The following ITGA8 variants were observed in gnomAD, a reference collection of about 807,000 sequenced individuals.
The protein encoded by ITGA8 is integrin subunit alpha 8.
Under a neutral mutation model 142.3 loss-of-function variants are expected in ITGA8, and 91 were observed. The observed-to-expected ratio is 0.64, with a 90% CI of 0.54 to 0.76. ITGA8 has a LOEUF of 0.76. Among genes scored for constraint, ITGA8 ranks in the 30% least tolerant of loss-of-function variants. The probability of loss-of-function intolerance (pLI) is 0.00; values close to 1 mark genes in which losing one functional copy is unlikely to be tolerated. For missense variants in ITGA8, 1,406 were observed against 1,327.7 expected (o/e 1.06, Z -0.92); for synonymous variants, 505 against 485.2 (o/e 1.04, Z -0.54).
At chr10:15,696,940 TAG>T (rs1835063917) in intron 2 of ITGA8, among the ~76,000 whole-genome samples, 1 of 148,656 alleles carries the variant, frequency 6.7e-6, no homozygotes, top group Admixed American at 6.8e-5. Flanking sequence ...GCCTGAGAGG[TAG>T]AGTCTGAAGT....
At position 15,608,000 on chromosome 10, in the gene ITGA8, C is replaced by A. The variant is rs2298032; in HGVS notation, c.1610-169G>T. ...ATTGTATAACATACTCTCCAAGCTA[C>A]AAATGTTTTATAATGGTTTTATAAA... is the stretch of plus-strand genomic sequence containing the variant. On this transcript the variant is annotated intron_variant, in intron 16 of 29. Coordinates refer to ENST00000378076, the MANE Select transcript of ITGA8 (RefSeq NM_003638.3). Among the ~76,000 whole-genome samples the A allele has an allele frequency of 0.75, 114,674 of 152,054 alleles. 43,536 individuals are homozygous for A. The highest frequency in any genetic ancestry group is 0.88 in the South Asian group (4,232 of 4,812).
intron 21 of ITGA8, 144 bp downstream of exon 21, chr10:15,597,063 A>C (rs1833022346): frequency 4.5e-6 from 3 of 666,260 alleles, no homozygotes; most frequent in Non-Finnish European, 8.2e-6. Context: ...ATAATGTGAA[A>C]TCCCACTACT....
At chr10:15,538,511 C>CG (rs1336132351) in intron 27 of ITGA8, among the ~76,000 whole-genome samples, 1 of 33,540 alleles carries the variant, frequency 3.0e-5, no homozygotes, top group Non-Finnish European at 6.8e-5. Flanking sequence ...GACTCCGTCT[C>CG]GAAAAAAAAA....
rs961132067 is a variant in ITGA8 at position 15,519,368 on chromosome 10, T to G, written c.3027A>C (p.Ser1009=). ...VIWATPNVSF[S]IPLWVIILAI... ...CTAGTATTATTACCCATAATGGGAT[T>G]GAGAAGGAAACATTCGGAGTTGCCC... Residue 1009 remains serine (S), a synonymous_variant, in exon 29 of 30, where the codon TCA becomes TCC. Coordinates refer to ENST00000378076, the MANE Select transcript of ITGA8 (RefSeq NM_003638.3). The G allele has an allele frequency of 6.2e-7, 1 of 1,613,722 alleles. No homozygotes were observed. The highest frequency in any genetic ancestry group is 8.5e-7 in the Non-Finnish European group (1 of 1,179,718).
chr10:15,534,835 G>A (rs994678901), intron 27 of ITGA8, among the ~76,000 whole-genome samples: 1 of 152,192 alleles, frequency 6.6e-6, no homozygotes, highest in Non-Finnish European at 1.5e-5. Flanking sequence ...GCTCGCTCTC[G>A]GCGCCTCCTC....
intron 3 of ITGA8, among the ~76,000 whole-genome samples, chr10:15,687,614 A>AT (rs1475287453): frequency 6.6e-6 from 1 of 152,208 alleles, no homozygotes; most frequent in African/African-American, 2.4e-5. Context: ...TTCTGGTCAG[A>AT]TTTTAAGTAG....
chr10:15,640,301 T>C (rs768464393), intron 13 of ITGA8, among the ~76,000 whole-genome samples: 1 of 152,164 alleles, frequency 6.6e-6, no homozygotes, highest in African/African-American at 2.4e-5. Context: ...CACTCCCAGA[T>C]TCCGTAGCTC....
At chr10:15,626,698 G>T (rs1833588963) in intron 13 of ITGA8, among the ~76,000 whole-genome samples, 1 of 152,142 alleles carries the variant, frequency 6.6e-6, no homozygotes, top group Non-Finnish European at 1.5e-5. Flanking sequence ...ATCTGGGTGG[G>T]CCCTAATCCA....
chr10:15,653,871 G>GTC (rs1834134510), intron 11 of ITGA8, among the ~76,000 whole-genome samples: 2 of 142,536 alleles, frequency 1.4e-5, no homozygotes, highest in African/African-American at 5.2e-5. Flanking sequence ...GTCTCGCTCT[G>GTC]TTGCCCAGGC....
At chr10:15,603,651 T>G (rs1035475616) in intron 20 of ITGA8, among the ~76,000 whole-genome samples, 7 of 152,180 alleles carry the variant, frequency 4.6e-5, no homozygotes, top group African/African-American at 1.7e-4. Context: ...TTTAAACAAA[T>G]AGTGGCATTG....
intron 28 of ITGA8, among the ~76,000 whole-genome samples, chr10:15,526,379 T>C (rs973548033): frequency 2.0e-5 from 3 of 152,170 alleles, no homozygotes; most frequent in Non-Finnish European, 4.4e-5. Flanking sequence ...TTTTACCATG[T>C]TGGTCAGGCT....
Position 15,575,580 on chromosome 10 carries a change from G to T in ITGA8, c.2387C>A (p.Pro796Gln). The change falls in exon 24 of 30, where the codon CCG becomes CAG. Residue 796 changes from proline to glutamine, a missense_variant. By Grantham distance (76) the Pro-to-Gln change is moderately conservative. Coordinates refer to ENST00000378076, the MANE Select transcript of ITGA8 (RefSeq NM_003638.3). ...GTTATGAATGGGCAGAACAATCTGC[G>T]GAGGGTGTGACACTCTGAAACATGA... is the stretch of plus-strand genomic sequence containing the variant. Reference protein sequence around the residue: ...QVEIRGVSHPPQIVLPIHNWE... With the variant: ...QVEIRGVSHPQQIVLPIHNWE... 6.2e-7 allele frequency: 1 copy of T among 1,613,446 alleles called. No individual in the cohort carries two copies. The highest frequency in any genetic ancestry group is 8.5e-7 in the Non-Finnish European group (1 of 1,179,460).
chr10:15,534,280 A>G (rs1833372806), intron 27 of ITGA8, among the ~76,000 whole-genome samples: 1 of 152,218 alleles, frequency 6.6e-6, no homozygotes, highest in African/African-American at 2.4e-5. Flanking sequence ...AGTCTCAGAG[A>G]TTCTGATTCA....
intron 13 of ITGA8, 67 bp from the exon 14 acceptor site, chr10:15,616,626 C>A (rs2131619274): frequency 1.5e-6 from 2 of 1,335,094 alleles, no homozygotes; most frequent in Non-Finnish European, 1.1e-6. Flanking sequence ...AGTTCAAAAT[C>A]GTAAGTAGCA....
At chr10:15,641,681 G>T (rs1833874454) in intron 13 of ITGA8, among the ~76,000 whole-genome samples, 1 of 152,156 alleles carries the variant, frequency 6.6e-6, no homozygotes, top group African/African-American at 2.4e-5. Flanking sequence ...AAGCAGCATT[G>T]ACGGGCCTGC....
At chr10:15,548,294 T>C (rs762632003) in intron 27 of ITGA8, among the ~76,000 whole-genome samples, 161 bp downstream of exon 27, 2 of 152,118 alleles carry the variant, frequency 1.3e-5, no homozygotes, top group Admixed American at 1.3e-4. Context: ...TTTTTTACCA[T>C]GTAGGCCAGG....
At chr10:15,552,183 C>G (rs1291137486) in intron 26 of ITGA8, among the ~76,000 whole-genome samples, 1 of 151,896 alleles carries the variant, frequency 6.6e-6, no homozygotes, top group Non-Finnish European at 1.5e-5. Flanking sequence ...GTCTCCCAGG[C>G]TGGAGTGCAG....
chr10:15,643,763 A>C (rs1026447515), intron 13 of ITGA8, among the ~76,000 whole-genome samples: 1 of 152,192 alleles, frequency 6.6e-6, no homozygotes, highest in African/African-American at 2.4e-5. Flanking sequence ...TTGGGTTGTG[A>C]AGTTGACAAG....
chr10:15,672,861 A>G (rs542827729), intron 6 of ITGA8, 112 bp from the exon 7 acceptor site: 17 of 1,231,440 alleles, frequency 1.4e-5, no homozygotes, highest in South Asian at 1.8e-5. Flanking sequence ...TTTTTTGATG[A>G]TGAATTTTCC....
Sources: gnomAD v4.1 joint callset for allele counts (sites outside exome capture counted in the v4.1 genomes callset) on GRCh38, gnomAD v4.1.1 for gene constraint, MANE v1.5 for transcripts, NCBI Gene and HGNC (gene_info 2026-07-23, HGNC 2026-07-21) for gene names.